Variants in MRGPRE observed in about 807,000 individuals in gnomAD.
The protein encoded by MRGPRE is MAS related GPR family member E.
For missense variants in MRGPRE, 466 were observed against 433.4 expected (o/e 1.08, Z -0.67); for synonymous variants, 229 against 206.7 (o/e 1.11, Z -0.92).
chr11:3,227,994 T>C lies in MRGPRE; in HGVS notation c.806A>G (p.Tyr269Cys), dbSNP rs1847782172. 3 of 1,601,436 alleles carry C rather than the reference T, an allele frequency of 1.9e-6. No individual in the cohort carries two copies. Among genetic ancestry groups the C allele is most frequent in the Middle Eastern group, 1.7e-4 (1 of 6,030 alleles). Residue 269 changes from tyrosine (Y) to cysteine (C), a missense_variant, in exon 2 of 2, where the codon TAC becomes TGC. Transcript: ENST00000389832. ...AVHCAAKPVVYFCLGSAQGRR... is the reference protein window; with the variant it reads ...AVHCAAKPVVCFCLGSAQGRR... ...GCCCTGGGCACTGCCCAGGCAGAAG[T>C]AGACGACGGGCTTGGCCGCGCAGTG...
chr11:3,225,337 C>T lies in MRGPRE; in HGVS notation c.*2524G>A, dbSNP rs12420918. On this transcript the variant is annotated 3_prime_UTR_variant, in exon 2 of 2. Transcript: ENST00000389832. ...GTTCTTGGGAATTCTGTGCTGACCG[C>T]GGCAGCCCCGCAGGGGCCCGGGGTT... Among the ~76,000 whole-genome samples the T allele has an allele frequency of 0.17, 26,608 of 152,218 alleles. 2,542 individuals carry two copies. Among genetic ancestry groups the T allele is most frequent in the Non-Finnish European group, 0.22 (14,628 of 68,002 alleles).
In MRGPRE at chr11:3,228,113, G is replaced by A. The variant is rs369020369; in HGVS notation, c.687C>T (p.Cys229=). 59 of 1,595,002 alleles carry A rather than the reference G, an allele frequency of 3.7e-5. No homozygotes were observed. Among genetic ancestry groups the A allele is most frequent in the Admixed American group, 5.3e-5 (3 of 56,130 alleles). ...ILLTVLLFLF[C]GLPFGIYWLS... ...GCCAGTAGATGCCGAAGGGCAGGCCGCAGAAGAGGAAGAGGAGGACGGTGA... is the reference window on the plus strand; with the variant it reads ...GCCAGTAGATGCCGAAGGGCAGGCCACAGAAGAGGAAGAGGAGGACGGTGA... The change falls in exon 2 of 2, where the codon TGC becomes TGT. Residue 229 remains cysteine, a synonymous_variant. Transcript: ENST00000389832.
rs1847809637 is a variant in MRGPRE at position 3,229,765 on chromosome 11, C to G, written c.-61-905G>C. Among the ~76,000 whole-genome samples, 1 of 152,220 alleles carries G rather than the reference C, an allele frequency of 6.6e-6. No homozygotes were observed. The highest frequency in any genetic ancestry group is 2.4e-5 in the African/African-American group (1 of 41,464). ...TTCCCCTGGCCATGTCCCTGCTGTC[C>G]TACAGCAGGACTCCAGCCCTCTGCA... On this transcript the variant is annotated intron_variant, in intron 1 of 1. Transcript: ENST00000389832. This position sits in a 1 kb window ranked among gnomAD's most constrained non-coding sequence, Gnocchi z 4.4.
rs1300628802 is a variant in MRGPRE, at chr11:3,228,333, A to G, written c.467T>C (p.Leu156Pro). The G allele has an allele frequency of 3.2e-6, 5 of 1,565,228 alleles. No individual in the cohort carries two copies. Among genetic ancestry groups the G allele is most frequent in the Non-Finnish European group, 4.3e-6 (5 of 1,158,986 alleles). ...CTGGGTGCAGGCGCCGCTGAGCAGCAGGTGCAGCAGCAGGCAGAGGGCCCA... is the reference window on the plus strand; with the variant it reads ...CTGGGTGCAGGCGCCGCTGAGCAGCGGGTGCAGCAGCAGGCAGAGGGCCCA... The part of the protein sequence containing the change: ...LTWALCLLLH[L>P]LLSGACTQFF... Residue 156 changes from leucine to proline, a missense_variant, in exon 2 of 2, where the codon CTG becomes CCG. Physicochemically the swap from Leu to Pro is moderately conservative, Grantham distance 98. Coordinates refer to ENST00000389832, the MANE Select transcript of MRGPRE (RefSeq NM_001039165.4).
Position 3,228,553 on chromosome 11 carries a change from CG to C in MRGPRE, c.246del (p.Asp83ThrfsTer29). 6.2e-7 allele frequency: 1 copy of C among 1,613,660 alleles called. No homozygotes were observed. The highest frequency in any genetic ancestry group is 1.1e-5 in the South Asian group (1 of 91,062). On this transcript the variant is annotated frameshift_variant, in exon 2 of 2. Transcript: ENST00000389832. LOFTEE classifies it low-confidence loss of function (END_TRUNC). ...FLGCHMVAIV[P>X]DLLQGRLDFP... ...AAGTCCAGCCGGCCTTGCAGCAAGT[CG>C]GGGACGATGGCCACCATGTGGCAGC...
In MRGPRE at chr11:3,225,356, C is replaced by T. The variant is rs559979523; in HGVS notation, c.*2505G>A. The stretch of plus-strand genomic sequence containing the variant: ...TGACCGCGGCAGCCCCGCAGGGGCC[C>T]GGGGTTGCGGGTGGATGGGGTGGGC... On this transcript the variant is annotated 3_prime_UTR_variant, in exon 2 of 2. Transcript: ENST00000389832. Among the ~76,000 whole-genome samples, 9 of 152,198 alleles carry T rather than the reference C, an allele frequency of 5.9e-5. No individual in the cohort carries two copies. In the East Asian group the frequency reaches 9.6e-4, roughly 16 times the overall value.
In MRGPRE at chr11:3,231,609, G is replaced by A. The variant is rs918772897; in HGVS notation, c.-62+532C>T. Among the ~76,000 whole-genome samples, 1 of 148,102 alleles carries A rather than the reference G, an allele frequency of 6.8e-6. No homozygotes were observed. The highest frequency in any genetic ancestry group is 1.5e-5 in the Non-Finnish European group (1 of 66,912). On this transcript the variant is annotated intron_variant, in intron 1 of 1. Transcript: ENST00000389832. The surrounding 1 kb of genome is among the most constrained non-coding windows in gnomAD (Gnocchi z 4.7). Reference sequence around the variant, plus strand: ...GACGATGGAAGAGAACAGGAGGGAGGAGGAGGAGGGGGAGGAGAAGGAGGG... The same window carrying A: ...GACGATGGAAGAGAACAGGAGGGAGAAGGAGGAGGGGGAGGAGAAGGAGGG...
rs565238864 is a variant in MRGPRE, at chr11:3,227,519, G to A, written c.*342C>T. On this transcript the variant is annotated 3_prime_UTR_variant, in exon 2 of 2. Coordinates refer to ENST00000389832, the MANE Select transcript of MRGPRE (RefSeq NM_001039165.4). ...GTCTGGCCTTGCTTCCTTGCTTTCC[G>A]GGGTCTCCTCACTGCAGCTGAGCAG... is the stretch of plus-strand genomic sequence containing the variant. Among the ~76,000 whole-genome samples the A allele has an allele frequency of 5.3e-5, 8 of 152,258 alleles. No homozygotes were observed. Among genetic ancestry groups the A allele is most frequent in the Admixed American group, 3.9e-4 (6 of 15,308 alleles).
At position 3,228,027 on chromosome 11, in the gene MRGPRE, G is replaced by C; in HGVS notation, c.773C>G (p.Ala258Gly). Residue 258 changes from alanine (A) to glycine (G), a missense_variant, in exon 2 of 2, where the codon GCC becomes GGC. Transcript: ENST00000389832. ...GGGCTTGGCCGCGCAGTGCACGGCGGCCATGAGGAAGCTGAAGTGGTAGAA... is the reference window on the plus strand; with the variant it reads ...GGGCTTGGCCGCGCAGTGCACGGCGCCCATGAGGAAGCTGAAGTGGTAGAA... ...HYFYHFSFLM[A>G]AVHCAAKPVV... 1 of 1,608,642 alleles carries C rather than the reference G, an allele frequency of 6.2e-7. No homozygotes were observed. The highest frequency in any genetic ancestry group is 8.5e-7 in the Non-Finnish European group (1 of 1,177,810).
In MRGPRE at chr11:3,230,560, C is replaced by T. The variant is rs1319746927; in HGVS notation, c.-62+1581G>A. Reference sequence around the variant, plus strand: ...GGTGCTGGTCATCTCCCTCGGCTTACACCCTCAGCTCTGTGGTCTTTTGTT... The same window carrying T: ...GGTGCTGGTCATCTCCCTCGGCTTATACCCTCAGCTCTGTGGTCTTTTGTT... On this transcript the variant is annotated intron_variant, in intron 1 of 1. Transcript: ENST00000389832. This position sits in a 1 kb window ranked among gnomAD's most constrained non-coding sequence, Gnocchi z 5.5. 1.3e-5 allele frequency among the ~76,000 whole-genome samples: 2 copies of T among 152,068 alleles called. No individual in the cohort carries two copies. The highest frequency in any genetic ancestry group is 2.4e-5 in the African/African-American group (1 of 41,404).
Position 3,225,827 on chromosome 11 carries a change from A to G in MRGPRE, c.*2034T>C, listed in dbSNP as rs1355676381. On this transcript the variant is annotated 3_prime_UTR_variant, in exon 2 of 2. Coordinates refer to ENST00000389832, the MANE Select transcript of MRGPRE (RefSeq NM_001039165.4). ...CCGGACTCCTCGAGAAGGGGCTAAT[A>G]AGGAGGAATCTAGAGCCACTCCAAT... is the stretch of plus-strand genomic sequence containing the variant. Among the ~76,000 whole-genome samples, 1 of 152,228 alleles carries G rather than the reference A, an allele frequency of 6.6e-6. No individual in the cohort carries two copies. The highest frequency in any genetic ancestry group is 1.5e-5 in the Non-Finnish European group (1 of 68,024).
Position 3,226,925 on chromosome 11 carries a change from AG to A in MRGPRE, c.*935del, listed in dbSNP as rs140335163. ...GCTCAGCCCAGGCTGTGGGCTCCAA[AG>A]CCCCCACTCTAGCACCCCTGGCACA... On this transcript the variant is annotated 3_prime_UTR_variant, in exon 2 of 2. Coordinates refer to ENST00000389832, the MANE Select transcript of MRGPRE (RefSeq NM_001039165.4). Among the ~76,000 whole-genome samples, 2,231 of 152,320 alleles carry A rather than the reference AG, an allele frequency of 0.015. 55 individuals carry two copies. The highest frequency in any genetic ancestry group is 0.051 in the African/African-American group (2,115 of 41,574).
rs570469211 is a variant in MRGPRE, at chr11:3,229,536, G to A, written c.-61-676C>T. On this transcript the variant is annotated intron_variant, in intron 1 of 1. Transcript: ENST00000389832. The surrounding 1 kb of genome is among the most constrained non-coding windows in gnomAD (Gnocchi z 4.4). ...AGTCATAGGCAGAGCAGGAGGCACC[G>A]CCCATGTCTAATGAGTGGTGTGACC... Among the ~76,000 whole-genome samples, 12 of 152,160 alleles carry A rather than the reference G, an allele frequency of 7.9e-5. No individual in the cohort carries two copies. The highest frequency in any genetic ancestry group is 2.0e-4 in the Admixed American group (3 of 15,280).
Position 3,228,504 on chromosome 11 carries a change from AGGCT to A in MRGPRE, c.292_295del (p.Ser98TrpfsTer13). 1 of 1,613,746 alleles carries A rather than the reference AGGCT, an allele frequency of 6.2e-7. No individual in the cohort carries two copies. The highest frequency in any genetic ancestry group is 8.5e-7 in the Non-Finnish European group (1 of 1,179,988). Reference sequence around the variant, plus strand: ...GTAGCAGAAGAAGCGCAGCGTTGCCAGGCTGGTCTGCACGAAGCCCGGGAAGTCC... The same window carrying A: ...GTAGCAGAAGAAGCGCAGCGTTGCCAGGTCTGCACGAAGCCCGGGAAGTCC... On this transcript the variant is annotated frameshift_variant, in exon 2 of 2. Coordinates refer to ENST00000389832, the MANE Select transcript of MRGPRE (RefSeq NM_001039165.4). LOFTEE classifies it low-confidence loss of function (END_TRUNC).
rs1204172110 is a variant in MRGPRE, at chr11:3,229,399, G to A, written c.-61-539C>T. ...CATCACCATGCCCAGCTAATTTATT[G>A]CATTTTTAGTAGAGACAGGGTTTCA... is the stretch of plus-strand genomic sequence containing the variant. On this transcript the variant is annotated intron_variant, in intron 1 of 1. Transcript: ENST00000389832. This position sits in a 1 kb window ranked among gnomAD's most constrained non-coding sequence, Gnocchi z 4.4. 6.6e-6 allele frequency among the ~76,000 whole-genome samples: 1 copy of A among 152,006 alleles called. No individual in the cohort carries two copies. The highest frequency in any genetic ancestry group is 1.5e-5 in the Non-Finnish European group (1 of 67,994).
Position 3,227,870 on chromosome 11 carries a change from T to C in MRGPRE, c.930A>G (p.Ile310Met). 6.9e-7 allele frequency: 1 copy of C among 1,449,768 alleles called. No homozygotes were observed. Among genetic ancestry groups the C allele is most frequent in the East Asian group, 2.5e-5 (1 of 40,252 alleles). 89.8% of individuals were successfully genotyped at this position (1,449,768 alleles called of 1,614,324 possible). ...TCGGGGGCCCCAGGGCTCAGGCTGC[T>C]ATGTCCACCAGGCCCCGGCGGGAGG... ...RETSRRGLVDIAA is the reference protein window; with the variant it reads ...RETSRRGLVDMAA The change falls in exon 2 of 2, where the codon ATA (isoleucine) becomes ATG (methionine). Residue 310 changes from isoleucine to methionine, a missense_variant. Ile to Met is a conservative substitution (Grantham distance 10). Coordinates refer to ENST00000389832, the MANE Select transcript of MRGPRE (RefSeq NM_001039165.4).
chr11:3,228,804 C>CG lies in MRGPRE; in HGVS notation c.-6dup. 6.3e-7 allele frequency: 1 copy of CG among 1,597,894 alleles called. No homozygotes were observed. The highest frequency in any genetic ancestry group is 8.5e-7 in the Non-Finnish European group (1 of 1,170,446). On this transcript the variant is annotated 5_prime_UTR_variant, in exon 2 of 2. Transcript: ENST00000389832. ...AGCTTCTCTGGGCTCCATCATGGGG[C>CG]GGGGGGCCAGGGGATGCTGCAGGAG...
rs757025534 is a variant in MRGPRE, at chr11:3,228,526, G to C, written c.274C>G (p.Pro92Ala). ...PDLLQGRLDF[P>A]GFVQTSLATL... ...GCCAGGCTGGTCTGCACGAAGCCCGGGAAGTCCAGCCGGCCTTGCAGCAAG... is the reference window on the plus strand; with the variant it reads ...GCCAGGCTGGTCTGCACGAAGCCCGCGAAGTCCAGCCGGCCTTGCAGCAAG... Residue 92 changes from proline (P) to alanine (A), a missense_variant, in exon 2 of 2, where the codon CCG becomes GCG. Coordinates refer to ENST00000389832, the MANE Select transcript of MRGPRE (RefSeq NM_001039165.4). 2.2e-5 allele frequency: 36 copies of C among 1,613,770 alleles called. No homozygotes were observed. The African/African-American group carries it at 4.8e-4, about 22-fold the overall frequency.
rs369542379 is a variant in MRGPRE, at chr11:3,228,828, A to G, written c.-29T>C. The G allele has an allele frequency of 1.0e-4, 159 of 1,558,300 alleles. No homozygotes were observed. The African/African-American group carries it at 2.0e-3, about 20-fold the overall frequency. Reference sequence around the variant, plus strand: ...GCGGGGGGCCAGGGGATGCTGCAGGAGTGTGTTCTGCTCGCTCTCTCTCCT... The same window carrying G: ...GCGGGGGGCCAGGGGATGCTGCAGGGGTGTGTTCTGCTCGCTCTCTCTCCT... On this transcript the variant is annotated 5_prime_UTR_variant, in exon 2 of 2. Coordinates refer to ENST00000389832, the MANE Select transcript of MRGPRE (RefSeq NM_001039165.4).
Sources: allele counts gnomAD v4.1 joint callset (sites outside exome capture counted in the v4.1 genomes callset), GRCh38; gene constraint gnomAD v4.1.1; non-coding constraint Gnocchi (gnomAD v3.1); transcripts MANE v1.5; gene names NCBI Gene and HGNC (gene_info 2026-07-23, HGNC 2026-07-21).